The following BBS9 variants were observed in gnomAD, a reference collection of about 807,000 sequenced individuals.
BBS9 encodes Bardet-Biedl syndrome 9.
Under a neutral mutation model 117.7 loss-of-function variants are expected in BBS9, and 89 were observed. That is an observed-to-expected ratio of 0.76 (90% CI 0.64 to 0.90). The LOEUF (loss-of-function observed/expected upper bound fraction) is 0.90. Ranked by LOEUF, BBS9 falls within the 40% of genes least tolerant of loss-of-function variation. BBS9 has a pLI of 0.00. For synonymous variants in BBS9, 379 were observed against 370.9 expected (o/e 1.02, Z -0.25); for missense variants, 982 against 1,042.2 (o/e 0.94, Z 0.80).
chr7:33,302,471 G>A (rs1806685034), intron 9 of BBS9, among the ~76,000 whole-genome samples: 2 of 151,950 alleles, frequency 1.3e-5, no homozygotes, highest in Non-Finnish European at 2.9e-5. Context: ...GAGAGATAGG[G>A]GTCTAGTTTC....
chr7:33,605,385 T>C lies in BBS9; in HGVS notation c.*159T>C. ...AGAAAGAGGGGTTGGGACTTTTTAC[T>C]TCACTAGGAGAACTTGTAACACCAT... is the stretch of plus-strand genomic sequence containing the variant. On this transcript the variant is annotated 3_prime_UTR_variant, in exon 23 of 23. Coordinates refer to ENST00000242067, the MANE Select transcript of BBS9 (RefSeq NM_198428.3). 4.0e-6 allele frequency: 3 copies of C among 758,550 alleles called. No homozygotes were observed. Among genetic ancestry groups the C allele is most frequent in the Non-Finnish European group, 7.0e-6 (3 of 427,704 alleles). 47.0% of individuals were successfully genotyped at this position (758,550 alleles called of 1,614,324 possible). A position where few individuals can be genotyped will look rare whatever the true frequency, so the allele number is the denominator to read the frequency against.
In BBS9 at chr7:33,388,088, A is replaced by T. The variant is rs760800602; in HGVS notation, c.2059A>T (p.Lys687Ter). 6.2e-7 allele frequency: 1 copy of T among 1,614,170 alleles called. No individual in the cohort carries two copies. Among genetic ancestry groups the T allele is most frequent in the East Asian group, 2.2e-5 (1 of 44,874 alleles). Residue 687 changes from lysine to a stop codon, truncating the protein, a stop_gained, in exon 19 of 23, where the codon AAA becomes TAA. Transcript: ENST00000242067. LOFTEE classifies it high-confidence loss of function. ...CCGGCTACTAGCAAGATTCAAAGATAAAACTCCTGCCCCTCTTCAACACCT... is the reference window on the plus strand; with the variant it reads ...CCGGCTACTAGCAAGATTCAAAGATTAAACTCCTGCCCCTCTTCAACACCT... ...QRRLLARFKDKTPAPLQHLDT... is the reference protein window; with the variant it reads ...QRRLLARFKD
chr7:33,621,059 A>G (rs530794184), intron 21 of BBS9, among the ~76,000 whole-genome samples: 77 of 152,320 alleles, frequency 5.1e-4, no homozygotes, highest in African/African-American at 1.8e-3. Context: ...CTCACATCAT[A>G]TACAAAAATG....
intron 5 of BBS9, among the ~76,000 whole-genome samples, chr7:33,195,642 T>A (rs1784816294): frequency 6.6e-6 from 1 of 152,218 alleles, no homozygotes; most frequent in Admixed American, 6.5e-5. Flanking sequence ...TTTGTGATAA[T>A]GTCCACAAAT....
intron 9 of BBS9, among the ~76,000 whole-genome samples, chr7:33,315,857 G>A (rs570270586): frequency 6.6e-6 from 1 of 152,228 alleles, no homozygotes; most frequent in South Asian, 2.1e-4. Context: ...AAAGTAAATA[G>A]TATAATAAAC....
intron 19 of BBS9, among the ~76,000 whole-genome samples, chr7:33,503,889 G>T (rs1195836327): frequency 6.6e-6 from 1 of 152,128 alleles, no homozygotes; most frequent in Non-Finnish European, 1.5e-5. Flanking sequence ...GAAGTAATGG[G>T]GAAGGGATGA....
At chr7:33,515,563 G>C (rs574578563) in intron 20 of BBS9, among the ~76,000 whole-genome samples, 1 of 152,304 alleles carries the variant, frequency 6.6e-6, no homozygotes, top group Non-Finnish European at 1.5e-5. Context: ...CTGAAGTTAA[G>C]AAGCCTCTGT....
Position 33,527,276 on chromosome 7 carries a change from C to G in BBS9, c.2299-6678C>G, listed in dbSNP as rs557444409. ...CTCCTTGAGTTGTGTTGGGCTCCCC[C>G]CAGTTCGAGCTTCCTGGCTGCTTTG... is the stretch of plus-strand genomic sequence containing the variant. On this transcript the variant is annotated intron_variant, in intron 20 of 22. Transcript: ENST00000242067. Among the ~76,000 whole-genome samples, 10 of 152,346 alleles carry G rather than the reference C, an allele frequency of 6.6e-5. No individual in the cohort carries two copies. In the East Asian group the frequency reaches 9.7e-4, roughly 15 times the overall value.
chr7:33,232,069 T>G (rs1253685509), intron 5 of BBS9, among the ~76,000 whole-genome samples: 3 of 152,184 alleles, frequency 2.0e-5, no homozygotes, highest in Admixed American at 6.5e-5. Flanking sequence ...TTTTCTTCTC[T>G]TGTTACAACT....
chr7:33,164,982 A>G (rs993952348), intron 4 of BBS9, among the ~76,000 whole-genome samples: 17 of 151,760 alleles, frequency 1.1e-4, no homozygotes, highest in African/African-American at 3.4e-4. Context: ...TTTCCTTTCC[A>G]TGTTTAGTGC....
rs1296954530 is a variant in BBS9 at position 33,233,267 on chromosome 7, G to T, written c.443-23969G>T. Among the ~76,000 whole-genome samples the T allele has an allele frequency of 2.6e-5, 4 of 151,496 alleles. No individual in the cohort carries two copies. In the East Asian group the frequency reaches 7.7e-4, roughly 29 times the overall value. On this transcript the variant is annotated intron_variant, in intron 5 of 22. Transcript: ENST00000242067. ...GTTTTTGTTTTTTCTCTTTTTGTTTGGTTTTTATTTTCTCTTAGAATGTAC... is the reference window on the plus strand; with the variant it reads ...GTTTTTGTTTTTTCTCTTTTTGTTTTGTTTTTATTTTCTCTTAGAATGTAC...
At chr7:33,621,952 G>A (rs569719180) in intron 21 of BBS9, among the ~76,000 whole-genome samples, 156 of 152,344 alleles carry the variant, frequency 1.0e-3, no homozygotes, top group Middle Eastern at 3.4e-3. Context: ...GTTCATGCCT[G>A]TAATTCCAGC....
chr7:33,330,416 G>C (rs1365300919), intron 9 of BBS9, among the ~76,000 whole-genome samples: 1 of 152,102 alleles, frequency 6.6e-6, no homozygotes, highest in Admixed American at 6.6e-5. Flanking sequence ...TGTTTTCTGA[G>C]TTTGTCCTTT....
chr7:33,205,004 C>T (rs189002265), intron 5 of BBS9, among the ~76,000 whole-genome samples: 12 of 152,272 alleles, frequency 7.9e-5, no homozygotes, highest in Non-Finnish European at 1.3e-4. Context: ...AGTTTCCCAT[C>T]GATTTTATCA....
At chr7:33,221,957 A>C (rs1790332739) in intron 5 of BBS9, among the ~76,000 whole-genome samples, 1 of 152,220 alleles carries the variant, frequency 6.6e-6, no homozygotes, top group Non-Finnish European at 1.5e-5. Context: ...CTAAAGACCA[A>C]ATACAGTATA....
At chr7:33,583,198 C>T (rs1209193422) in intron 21 of BBS9, among the ~76,000 whole-genome samples, 1 of 152,112 alleles carries the variant, frequency 6.6e-6, no homozygotes, top group Non-Finnish European at 1.5e-5. Flanking sequence ...GGGGGATGCT[C>T]AGTACTTTCG....
At chr7:33,298,720 C>T (rs1451103269) in intron 9 of BBS9, among the ~76,000 whole-genome samples, 1 of 152,104 alleles carries the variant, frequency 6.6e-6, no homozygotes, top group Admixed American at 6.6e-5. Context: ...TGCTGGATTG[C>T]AACAAGTTCA....
chr7:33,581,609 A>G (rs1038505533), intron 21 of BBS9, among the ~76,000 whole-genome samples: 2 of 152,166 alleles, frequency 1.3e-5, no homozygotes, highest in South Asian at 2.1e-4. Flanking sequence ...TTTAATTTTC[A>G]TGAAAGTTAG....
At chr7:33,471,482 G>A (rs6958068) in intron 19 of BBS9, among the ~76,000 whole-genome samples, 1 of 152,162 alleles carries the variant, frequency 6.6e-6, no homozygotes, top group Non-Finnish European at 1.5e-5. Flanking sequence ...ATAGTCCATA[G>A]TAGGTGCTCA....
Sources: gnomAD v4.1 joint callset for allele counts (sites outside exome capture counted in the v4.1 genomes callset) on GRCh38, gnomAD v4.1.1 for gene constraint, MANE v1.5 for transcripts, NCBI Gene and HGNC (gene_info 2026-07-23, HGNC 2026-07-21) for gene names.